The following PATJ variants were observed in gnomAD, a reference collection of about 807,000 sequenced individuals.
PATJ encodes PATJ crumbs cell polarity complex component.
In PATJ, 190 loss-of-function variants were observed where a neutral mutation model predicts 224.9. The observed-to-expected ratio is 0.84, with a 90% CI of 0.75 to 0.95. The LOEUF is 0.95. Ranked by LOEUF, PATJ falls within the 40% of genes least tolerant of loss-of-function variation. The pLI is 0.00. For missense variants in PATJ, 2,121 were observed against 2,270.3 expected (o/e 0.93, Z 1.34); for synonymous variants, 769 against 820.3 (o/e 0.94, Z 1.07).
chr1:61,751,830 AAAT>A (rs1001318513), intron 1 of PATJ, among the ~76,000 whole-genome samples: 6 of 150,482 alleles, frequency 4.0e-5, no homozygotes, highest in East Asian at 2.0e-4. Context: ...TGTCTCAAAA[AAAT>A]AATAATAATA....
intron 14 of PATJ, among the ~76,000 whole-genome samples, chr1:61,813,370 T>C (rs1274516168): frequency 2.2e-5 from 1 of 44,566 alleles, no homozygotes; most frequent in African/African-American, 9.1e-5. Context: ...TATATATATA[T>C]ATATATATAC....
intron 38 of PATJ, 40 bp from the exon 39 acceptor site, chr1:62,122,981 T>G (rs1480467631): frequency 7.4e-7 from 1 of 1,358,642 alleles, no homozygotes; most frequent in East Asian, 2.4e-5. Context: ...AATATATTAT[T>G]TTTTAATATT....
intron 20 of PATJ, among the ~76,000 whole-genome samples, chr1:61,871,409 A>ATATG: frequency 7.2e-6 from 1 of 138,118 alleles, no homozygotes; most frequent in Non-Finnish European, 1.5e-5. Context: ...ATGTGTATAT[A>ATATG]TATACATATA....
intron 31 of PATJ, among the ~76,000 whole-genome samples, chr1:62,070,880 G>T (rs750926700): frequency 2.0e-5 from 3 of 152,134 alleles, no homozygotes; most frequent in Non-Finnish European, 2.9e-5. Context: ...AATCTTTCAG[G>T]TTGTAAACCA....
chr1:61,903,665 A>G (rs890207889), intron 24 of PATJ, among the ~76,000 whole-genome samples: 2 of 151,748 alleles, frequency 1.3e-5, no homozygotes, highest in African/African-American at 2.4e-5. Context: ...TGCTTTTGAC[A>G]TTATGTGGTT....
At chr1:61,901,919 G>A (rs533533158) in intron 24 of PATJ, among the ~76,000 whole-genome samples, 1 of 152,208 alleles carries the variant, frequency 6.6e-6, no homozygotes, top group African/African-American at 2.4e-5. Flanking sequence ...CTCTGTGGGC[G>A]CTAAGTTTTA....
At chr1:61,885,272 C>T (rs1571109903) in intron 22 of PATJ, among the ~76,000 whole-genome samples, 1 of 152,098 alleles carries the variant, frequency 6.6e-6, no homozygotes, top group African/African-American at 2.4e-5. Context: ...TTTTCGCAAC[C>T]TACTCATCTG....
At chr1:61,957,169 C>T (rs1166072372) in intron 27 of PATJ, among the ~76,000 whole-genome samples, 4 of 152,086 alleles carry the variant, frequency 2.6e-5, no homozygotes, top group Non-Finnish European at 2.9e-5. Flanking sequence ...TGCATGTAAC[C>T]TAATGAATAT....
At chr1:61,813,369 A>C (rs1056902058) in intron 14 of PATJ, among the ~76,000 whole-genome samples, 3 of 45,274 alleles carry the variant, frequency 6.6e-5, no homozygotes, top group Admixed American at 2.9e-4. Flanking sequence ...ATATATATAT[A>C]TATATATATA....
chr1:61,760,235 T>C (rs1054564273), intron 1 of PATJ, among the ~76,000 whole-genome samples: 2 of 152,206 alleles, frequency 1.3e-5, no homozygotes, highest in African/African-American at 4.8e-5. Context: ...TCCCATTGAA[T>C]CCAGTGAACA....
chr1:61,805,254 A>G (rs760152218), intron 12 of PATJ, among the ~76,000 whole-genome samples, 194 bp from the exon 13 acceptor site: 30 of 152,138 alleles, frequency 2.0e-4, no homozygotes, highest in Non-Finnish European at 4.3e-4. Flanking sequence ...TGATCTTTAC[A>G]TTTTATGTTA....
chr1:61,769,483 TAAAG>T, intron 5 of PATJ, 61 bp downstream of exon 5: 1 of 1,515,824 alleles, frequency 6.6e-7, no homozygotes, highest in Non-Finnish European at 9.0e-7. Context: ...AAAACTATTA[TAAAG>T]AGAGTGAAAA....
intron 5 of PATJ, among the ~76,000 whole-genome samples, chr1:61,771,140 T>C (rs1201667359): frequency 1.3e-5 from 2 of 152,100 alleles, no homozygotes; most frequent in Non-Finnish European, 2.9e-5. Flanking sequence ...GCAGTGTCCA[T>C]ACTTGCAAAA....
At position 61,760,308 on chromosome 1, in the gene PATJ, GT is replaced by G. The variant is rs372293731; in HGVS notation, c.-35-2543del. On this transcript the variant is annotated intron_variant, in intron 1 of 43. Transcript: ENST00000642238. ...GGCATCCGTTATTGGTTTTCAATATGTTTTTTTGCTTAATGATCTTGAATTA... is the reference window on the plus strand; with the variant it reads ...GGCATCCGTTATTGGTTTTCAATATGTTTTTTGCTTAATGATCTTGAATTA... Among the ~76,000 whole-genome samples, 456 of 152,178 alleles carry G rather than the reference GT, an allele frequency of 3.0e-3. 3 individuals carry two copies. The highest frequency in any genetic ancestry group is 0.01 in the African/African-American group (427 of 41,536).
intron 33 of PATJ, among the ~76,000 whole-genome samples, chr1:62,092,266 A>C (rs1004368942): frequency 6.6e-6 from 1 of 151,314 alleles, no homozygotes; most frequent in Non-Finnish European, 1.5e-5. Context: ...TGTAGTCCCA[A>C]CTACCTGGCA....
Position 61,952,781 on chromosome 1 carries a change from C to A in PATJ, c.3670+24952C>A, listed in dbSNP as rs184515268. ...AGTAGACCTCCAGGACATTTATTAT[C>A]ATTATTGTTGTTACTTGTGACTTCA... On this transcript the variant is annotated intron_variant, in intron 27 of 43. Coordinates refer to ENST00000642238, the MANE Select transcript of PATJ (RefSeq NM_001350145.3). Among the ~76,000 whole-genome samples the A allele has an allele frequency of 4.6e-3, 696 of 152,286 alleles. 3 individuals are homozygous for A. The highest frequency in any genetic ancestry group is 0.027 in the Middle Eastern group (8 of 292).
At chr1:61,907,718 G>C (rs1557857920) in intron 24 of PATJ, among the ~76,000 whole-genome samples, 1 of 152,132 alleles carries the variant, frequency 6.6e-6, no homozygotes, top group African/African-American at 2.4e-5. Flanking sequence ...TACATTATAG[G>C]TTTGAAAAAT....
At chr1:61,922,426 C>T (rs1674473258) in intron 26 of PATJ, among the ~76,000 whole-genome samples, 1 of 152,156 alleles carries the variant, frequency 6.6e-6, no homozygotes, top group South Asian at 2.1e-4. Context: ...GGAATTTAAG[C>T]TCCATGAGGG....
At chr1:61,960,404 G>C (rs1490692865) in intron 27 of PATJ, among the ~76,000 whole-genome samples, 1 of 152,158 alleles carries the variant, frequency 6.6e-6, no homozygotes, top group Non-Finnish European at 1.5e-5. Context: ...GTTCACGCCT[G>C]TAATCCCAGC....
Sources: gnomAD v4.1 joint callset for allele counts (sites outside exome capture counted in the v4.1 genomes callset) on GRCh38, gnomAD v4.1.1 for gene constraint, MANE v1.5 for transcripts, NCBI Gene and HGNC (gene_info 2026-07-23, HGNC 2026-07-21) for gene names.